The following ASB4 variants were observed in gnomAD, a reference collection of about 807,000 sequenced individuals.
ASB4 encodes ankyrin repeat and SOCS box protein 4.
A neutral mutation model predicts 38.6 loss-of-function variants in ASB4; 35 were observed. That is an observed-to-expected ratio of 0.91 (90% CI 0.69 to 1.20). The LOEUF is 1.20. Among genes scored for constraint, ASB4 ranks in the 50% most tolerant of loss-of-function variants. The pLI, the probability that ASB4 is intolerant of heterozygous loss-of-function variation, is 0.00. For synonymous variants in ASB4, 195 were observed against 201.3 expected, an observed-to-expected ratio of 0.97 and a Z score of 0.26; for missense variants, 557 against 527.2, an observed-to-expected ratio of 1.06 and a Z score of -0.55.
rs556757340 is a variant in ASB4 at position 95,534,481 on chromosome 7, T to A, written c.979-1956T>A. Among the ~76,000 whole-genome samples the A allele has an allele frequency of 5.9e-5, 9 of 152,248 alleles. No homozygotes were observed. The South Asian group carries it at 1.5e-3, about 25-fold the overall frequency. ...CAAGTTGTATTCTTTCTTCCTCCTA[T>A]CTGATTAGTATTAAGCCCTATACTT... On this transcript the variant is annotated intron_variant, in intron 3 of 4. Coordinates refer to ENST00000325885, the MANE Select transcript of ASB4 (RefSeq NM_016116.3).
chr7:95,471,581 G>A, the ASB4 span, among the ~76,000 whole-genome samples: 1 of 152,122 alleles, frequency 6.6e-6, no homozygotes, highest in Non-Finnish European at 1.5e-5. Context: ...GTACTTCTGT[G>A]ACAGTATGTA....
At chr7:95,536,222 G>T (rs1790887491) in intron 3 of ASB4, among the ~76,000 whole-genome samples, 2 of 148,382 alleles carry the variant, frequency 1.3e-5, no homozygotes, top group Non-Finnish European at 3.0e-5. Context: ...GTGGGTTCTG[G>T]TTTTTTTTTT....
chr7:95,535,517 T>A (rs1449733955), intron 3 of ASB4, among the ~76,000 whole-genome samples: 2 of 152,128 alleles, frequency 1.3e-5, no homozygotes, highest in East Asian at 3.9e-4. Flanking sequence ...GAGCTGCTTG[T>A]TGGGTGGCAA....
rs1790919128 is a variant in ASB4 at position 95,537,957 on chromosome 7, G to A, written c.*198G>A. ...GAAGTAAAGTTAAGGAATTTTCAAA[G>A]ACAAGGATGTATTCAGAATGTACTG... is the stretch of plus-strand genomic sequence containing the variant. On this transcript the variant is annotated 3_prime_UTR_variant, in exon 5 of 5. Transcript: ENST00000325885. The A allele has an allele frequency of 1.8e-6, 1 of 557,008 alleles. No homozygotes were observed. Among genetic ancestry groups the A allele is most frequent in the African/African-American group, 1.9e-5 (1 of 53,416 alleles). The allele number at this position is 557,008 out of a possible 1,614,324, so 34.5% of individuals were successfully genotyped here.
intron 2 of ASB4, among the ~76,000 whole-genome samples, chr7:95,501,036 T>G (rs1790329237): frequency 6.6e-6 from 1 of 152,236 alleles, no homozygotes; most frequent in Non-Finnish European, 1.5e-5. Flanking sequence ...TATTGATTTT[T>G]AAATTTAATT....
chr7:95,540,265 T>C (rs1223175712), downstream of ASB4: 1 of 152,320 alleles, frequency 6.6e-6, no homozygotes, highest in South Asian at 2.1e-4. Context: ...AAGACTCTTT[T>C]TCCTAACCCC....
upstream of ASB4, among the ~76,000 whole-genome samples, chr7:95,477,344 A>T (rs1789986383): frequency 6.6e-6 from 1 of 152,236 alleles, no homozygotes; most frequent in Admixed American, 6.5e-5. Context: ...CCAAAGGGTC[A>T]ACTCTACGTC....
downstream of ASB4, chr7:95,542,016 A>G (rs1047636316): frequency 4.6e-5 from 7 of 152,112 alleles, no homozygotes; most frequent in African/African-American, 7.2e-5. Flanking sequence ...ACAGTGACCT[A>G]TGATCACACC....
chr7:95,503,933 T>A (rs931267557), intron 2 of ASB4, among the ~76,000 whole-genome samples: 1 of 152,170 alleles, frequency 6.6e-6, no homozygotes, highest in Admixed American at 6.5e-5. Context: ...CCATGCTGGA[T>A]TTTGTCTGTT....
At chr7:95,534,965 C>T (rs4517046) in intron 3 of ASB4, among the ~76,000 whole-genome samples, 22,642 of 152,154 alleles carry the variant, frequency 0.15, 1,814 homozygotes, top group African/African-American at 0.19. Flanking sequence ...TGCCAGCTGG[C>T]TTCATCTTAC....
chr7:95,548,511 T>A, the ASB4 span, among the ~76,000 whole-genome samples: 2 of 152,244 alleles, frequency 1.3e-5, no homozygotes. Context: ...ATTACTAAAC[T>A]TTTGTGTTAT....
chr7:95,515,223 T>TTC (rs1562817028), intron 2 of ASB4, among the ~76,000 whole-genome samples: 15 of 131,324 alleles, frequency 1.1e-4, no homozygotes, highest in African/African-American at 4.6e-4. Flanking sequence ...CTTTCTTTCT[T>TTC]TCTTTCTTTT....
intron 2 of ASB4, among the ~76,000 whole-genome samples, chr7:95,500,187 A>G (rs1409494753): frequency 6.6e-6 from 1 of 152,124 alleles, no homozygotes; most frequent in Non-Finnish European, 1.5e-5. Context: ...TTTCATAAGA[A>G]TGGAGAAGGA....
Position 95,528,561 on chromosome 7 carries a change from T to C in ASB4, c.978+258T>C, listed in dbSNP as rs995580492. 1.1e-5 allele frequency: 15 copies of C among 1,411,806 alleles called. No homozygotes were observed. The Admixed American group carries it at 1.2e-4, about 11-fold the overall frequency. The allele number at this position is 1,411,806 out of a possible 1,614,324, so 87.5% of individuals were successfully genotyped here. A position where few individuals can be genotyped will look rare whatever the true frequency, so the allele number is the denominator to read the frequency against. On this transcript the variant is annotated intron_variant, in intron 3 of 4. Coordinates refer to ENST00000325885, the MANE Select transcript of ASB4 (RefSeq NM_016116.3). ...TTGTTTTGCCTTGTGTGAACACCAG[T>C]GCACTGGTGGCTTCCTGAGGGACTG...
chr7:95,550,302 C>G, the ASB4 span, among the ~76,000 whole-genome samples: 3 of 152,184 alleles, frequency 2.0e-5, no homozygotes, highest in Non-Finnish European at 4.4e-5. Context: ...GCCCTGCCCA[C>G]AGGGTTGCAC....
upstream of ASB4, chr7:95,478,353 C>T (rs1789995836): frequency 6.6e-6 from 1 of 152,172 alleles, no homozygotes; most frequent in African/African-American, 2.4e-5. Flanking sequence ...AGGTCAGTTG[C>T]TAGGAGACCT....
In ASB4 at chr7:95,527,920, G is replaced by A; in HGVS notation, c.595G>A (p.Ala199Thr). 2 of 1,614,120 alleles carry A rather than the reference G, an allele frequency of 1.2e-6. No individual in the cohort carries two copies. The highest frequency in any genetic ancestry group is 1.7e-6 in the Non-Finnish European group (2 of 1,180,038). The change falls in exon 3 of 5, where the codon GCC becomes ACC. Residue 199 changes from alanine (A) to threonine (T), a missense_variant. Coordinates refer to ENST00000325885, the MANE Select transcript of ASB4 (RefSeq NM_016116.3). ...ELVAFYVEHG[A>T]IVDSVNAHME... ...GGTGGCCTTCTACGTGGAACACGGG[G>A]CCATAGTGGACAGCGTGAATGCCCA...
At chr7:95,521,335 A>G (rs939397067) in intron 2 of ASB4, among the ~76,000 whole-genome samples, 8 of 152,140 alleles carry the variant, frequency 5.3e-5, no homozygotes, top group African/African-American at 1.9e-4. Context: ...GCCTGTAAAC[A>G]TATGAGAATA....
intron 2 of ASB4, among the ~76,000 whole-genome samples, chr7:95,523,203 C>T (rs1290941025): frequency 1.3e-5 from 2 of 152,098 alleles, no homozygotes; most frequent in Non-Finnish European, 2.9e-5. Flanking sequence ...GATTGTTATG[C>T]AACTTCTGAA....
Sources: allele counts gnomAD v4.1 joint callset (sites outside exome capture counted in the v4.1 genomes callset), GRCh38; gene constraint gnomAD v4.1.1; transcripts MANE v1.5; gene names NCBI Gene and HGNC (gene_info 2026-07-23, HGNC 2026-07-21).